CSNK2A1: variants seen among roughly 807,000 people sequenced by gnomAD.
CSNK2A1 encodes casein kinase 2 alpha 1, also known as casein kinase II subunit alpha.
In CSNK2A1, 10 loss-of-function variants were observed where a neutral mutation model predicts 62.9. That is an observed-to-expected ratio of 0.16 (90% CI 0.10 to 0.27). The LOEUF (loss-of-function observed/expected upper bound fraction) is 0.27, where lower values mean the gene tolerates loss of function less well. CSNK2A1 is among the 10% of genes least tolerant of loss of function. CSNK2A1 has a pLI of 1.00. For missense variants in CSNK2A1, 160 were observed against 492.0 expected (o/e 0.33, Z 6.38); for synonymous variants, 124 against 167.8 (o/e 0.74, Z 2.02).
intron 2 of CSNK2A1, among the ~76,000 whole-genome samples, chr20:526,020 T>C (rs2019080919): frequency 6.6e-6 from 1 of 151,560 alleles, no homozygotes; most frequent in Admixed American, 6.6e-5. Flanking sequence ...TAAAAATTCA[T>C]AAACTTGAAC....
chr20:490,028 GTCTT>G (rs1157067349), intron 9 of CSNK2A1, 147 bp from the exon 10 acceptor site: 168 of 611,000 alleles, frequency 2.7e-4, no homozygotes, highest in African/African-American at 2.0e-3. Context: ...TTTCTTTTTA[GTCTT>G]TCTTTTTTTT....
chr20:536,127 T>C (rs2019317764), intron 1 of CSNK2A1, among the ~76,000 whole-genome samples: 2 of 152,154 alleles, frequency 1.3e-5, no homozygotes, highest in Non-Finnish European at 2.9e-5. Flanking sequence ...TGAGGTAATC[T>C]ACACTGGGCG....
intron 1 of CSNK2A1, among the ~76,000 whole-genome samples, chr20:537,844 A>T (rs892925131): frequency 6.6e-6 from 1 of 152,234 alleles, no homozygotes; most frequent in Non-Finnish European, 1.5e-5. Flanking sequence ...TAAAATACTA[A>T]GCCCTTACCT....
At position 499,761 on chromosome 20, in the gene CSNK2A1, A is replaced by C; in HGVS notation, c.315+72T>G. The C allele has an allele frequency of 7.0e-7, 1 of 1,433,810 alleles. No homozygotes were observed. The highest frequency in any genetic ancestry group is 9.8e-7 in the Non-Finnish European group (1 of 1,022,232). 88.8% of individuals were successfully genotyped at this position (1,433,810 alleles called of 1,614,324 possible). A position where few individuals can be genotyped will look rare whatever the true frequency, so the allele number is the denominator to read the frequency against. On this transcript the variant is annotated intron_variant, in intron 5 of 13. Coordinates refer to ENST00000217244, the MANE Select transcript of CSNK2A1 (RefSeq NM_177559.3). This position sits in a 1 kb window ranked among gnomAD's most constrained non-coding sequence, Gnocchi z 4.2. The stretch of plus-strand genomic sequence containing the variant: ...ATGAGGGTTGGGGGAGGGAACAAAA[A>C]GAGGCCAGTTGTGCTCCAGGTCAAA...
At chr20:528,123 A>G (rs2019136624) in intron 1 of CSNK2A1, 74 bp from the exon 2 acceptor site, 1 of 152,214 alleles carries the variant, frequency 6.6e-6, no homozygotes, top group Admixed American at 6.5e-5. Flanking sequence ...TGCAGAAAGA[A>G]TAAGTACACT....
chr20:487,169 A>C, intron 12 of CSNK2A1: 1 of 517,712 alleles, frequency 1.9e-6, no homozygotes, highest in South Asian at 2.8e-5. Flanking sequence ...ACCATTCCAG[A>C]CTGAGGCACT....
rs909303990 is a variant in CSNK2A1, at chr20:500,040, C to A, written c.214-106G>T. On this transcript the variant is annotated intron_variant, in intron 4 of 13. Coordinates refer to ENST00000217244, the MANE Select transcript of CSNK2A1 (RefSeq NM_177559.3). Reference sequence around the variant, plus strand: ...ATGATAAATGGCTTACTTATGAGCACACCTTGAAGGAAGAAAATGTGTCAC... The same window carrying A: ...ATGATAAATGGCTTACTTATGAGCAAACCTTGAAGGAAGAAAATGTGTCAC... The A allele has an allele frequency of 2.7e-5, 22 of 815,228 alleles. No homozygotes were observed. In the African/African-American group the frequency reaches 3.4e-4, roughly 13 times the overall value. 50.5% of individuals were successfully genotyped at this position (815,228 alleles called of 1,614,324 possible).
chr20:487,779 A>G, intron 11 of CSNK2A1: 1 of 640,804 alleles, frequency 1.6e-6, no homozygotes, highest in Non-Finnish European at 2.6e-6. Flanking sequence ...TAGAGTGAAA[A>G]AAGACATCTG....
At chr20:505,000 A>G in intron 4 of CSNK2A1, 118 bp downstream of exon 4, 1 of 822,390 alleles carries the variant, frequency 1.2e-6, no homozygotes, top group African/African-American at 1.7e-5. Context: ...GATACAATAA[A>G]ATTTTATTTA....
rs571795604 is a variant in CSNK2A1 at position 475,563 on chromosome 20, T to G, written c.*8398A>C. On this transcript the variant is annotated 3_prime_UTR_variant, in exon 14 of 14. Transcript: ENST00000217244. The stretch of plus-strand genomic sequence containing the variant: ...TTCTGTTCCTACTGATATATATGAA[T>G]AGTATGGCTGATTGCATTATTGGTT... 3 of 152,102 alleles carry G rather than the reference T, an allele frequency of 2.0e-5. No homozygotes were observed. The highest frequency in any genetic ancestry group is 4.4e-5 in the Non-Finnish European group (3 of 68,000). The allele number at this position is 152,102 out of a possible 1,614,324, so 9.4% of individuals were successfully genotyped here. A position where few individuals can be genotyped will look rare whatever the true frequency, so the allele number is the denominator to read the frequency against.
chr20:508,885 T>C (rs1280471062), intron 2 of CSNK2A1, among the ~76,000 whole-genome samples: 1 of 152,166 alleles, frequency 6.6e-6, no homozygotes, highest in African/African-American at 2.4e-5. Flanking sequence ...TTGCCAAATA[T>C]CCTGTTACCT....
At chr20:511,703 T>TATACAC (rs1408379213) in intron 2 of CSNK2A1, among the ~76,000 whole-genome samples, 15 of 151,032 alleles carry the variant, frequency 9.9e-5, no homozygotes, top group South Asian at 2.1e-4. Context: ...TGTATATATA[T>TATACAC]ACACACACAC....
chr20:483,818 A>G lies in CSNK2A1; in HGVS notation c.*143T>C. ...AGCCTATTATAATTTTTTTTTTATG[A>G]CTGAACTACTATAAATCCACAAGCA... On this transcript the variant is annotated 3_prime_UTR_variant, in exon 14 of 14. Transcript: ENST00000217244. 1 of 519,558 alleles carries G rather than the reference A, an allele frequency of 1.9e-6. No homozygotes were observed. Among genetic ancestry groups the G allele is most frequent in the Non-Finnish European group, 3.1e-6 (1 of 327,554 alleles). The allele number at this position is 519,558 out of a possible 1,614,324, so 32.2% of individuals were successfully genotyped here.
chr20:481,522 T>C lies in CSNK2A1; in HGVS notation c.*2439A>G, dbSNP rs1255878553. ...CACCCAATTGGGTCTTTTTTTTTTT[T>C]CTCTCTCTCCATGCTTCTGCAGTGA... is the stretch of plus-strand genomic sequence containing the variant. On this transcript the variant is annotated 3_prime_UTR_variant, in exon 14 of 14. Transcript: ENST00000217244. The C allele has an allele frequency of 8.2e-6, 1 of 122,168 alleles. No individual in the cohort carries two copies. Among genetic ancestry groups the C allele is most frequent in the Non-Finnish European group, 1.6e-5 (1 of 61,986 alleles). 7.6% of individuals were successfully genotyped at this position (122,168 alleles called of 1,614,324 possible). A position where few individuals can be genotyped will look rare whatever the true frequency, so the allele number is the denominator to read the frequency against.
intron 4 of CSNK2A1, chr20:500,322 G>T: frequency 5.2e-6 from 1 of 193,508 alleles, no homozygotes; most frequent in Non-Finnish European, 1.1e-5. Context: ...GATGAAACAT[G>T]GGCCCTTTCC....
At chr20:523,858 C>CAAAAAAAAAAA (rs11401840) in intron 2 of CSNK2A1, among the ~76,000 whole-genome samples, 22 of 45,538 alleles carry the variant, frequency 4.8e-4, no homozygotes, top group African/African-American at 9.2e-4. Context: ...GACTCCATCT[C>CAAAAAAAAAAA]AAAAAAAAAA....
At chr20:500,467 A>T (rs2018436571) in intron 4 of CSNK2A1, 1 of 159,428 alleles carries the variant, frequency 6.3e-6, no homozygotes, top group Admixed American at 6.0e-5. Flanking sequence ...GCTGGCTGTT[A>T]ATGGCAAACT....
At chr20:521,441 C>A (rs1376376738) in intron 2 of CSNK2A1, among the ~76,000 whole-genome samples, 1 of 152,082 alleles carries the variant, frequency 6.6e-6, no homozygotes, top group Non-Finnish European at 1.5e-5. Context: ...TGCAGAGTAA[C>A]AGTAACTAAT....
At chr20:524,241 C>A (rs2019018083) in intron 2 of CSNK2A1, among the ~76,000 whole-genome samples, 1 of 151,560 alleles carries the variant, frequency 6.6e-6, no homozygotes, top group Non-Finnish European at 1.5e-5. Flanking sequence ...CTGGCCAGTA[C>A]AGTGAAACCC....
Sources: gnomAD v4.1 joint callset for allele counts (sites outside exome capture counted in the v4.1 genomes callset) on GRCh38, gnomAD v4.1.1 for gene constraint, Gnocchi (gnomAD v3.1) non-coding constraint, MANE v1.5 for transcripts, NCBI Gene and HGNC (gene_info 2026-07-23, HGNC 2026-07-21) for gene names.